The following SMYD3 variants were observed in gnomAD, a reference collection of about 807,000 sequenced individuals.
SMYD3 encodes histone-lysine N-methyltransferase SMYD3.
Under a neutral mutation model 57.7 loss-of-function variants are expected in SMYD3, and 36 were observed. The ratio of observed to expected loss-of-function variants is 0.62; its 90% CI spans 0.48 to 0.82. The LOEUF (loss-of-function observed/expected upper bound fraction) is 0.82, where lower values mean the gene tolerates loss of function less well. SMYD3 is among the 40% of genes least tolerant of loss of function. SMYD3 has a pLI of 0.00. For synonymous variants in SMYD3, 211 were observed against 195.0 expected (o/e 1.08, Z -0.68); for missense variants, 515 against 538.8 (o/e 0.96, Z 0.44).
chr1:246,460,145 C>T (rs1013668049), intron 1 of SMYD3, among the ~76,000 whole-genome samples: 1 of 152,202 alleles, frequency 6.6e-6, no homozygotes, highest in African/African-American at 2.4e-5. Flanking sequence ...AAACAAATTT[C>T]ATACCAACCA....
At chr1:246,333,722 G>GA (rs2065497352) in intron 3 of SMYD3, among the ~76,000 whole-genome samples, 1 of 151,652 alleles carries the variant, frequency 6.6e-6, no homozygotes, top group African/African-American at 2.4e-5. Context: ...AAAAAAAAAG[G>GA]AAAAAACACA....
chr1:246,316,362 T>C (rs1572371306), intron 5 of SMYD3, among the ~76,000 whole-genome samples: 1 of 112,616 alleles, frequency 8.9e-6, no homozygotes. Flanking sequence ...TCTTCATGGG[T>C]TTTTTTTTTT....
At chr1:246,323,531 T>G (rs562759539) in intron 5 of SMYD3, among the ~76,000 whole-genome samples, 7 of 152,266 alleles carry the variant, frequency 4.6e-5, no homozygotes, top group African/African-American at 1.7e-4. Flanking sequence ...TGAGCTTCCA[T>G]TAGAAAAAGC....
At chr1:246,153,276 C>T (rs2061972221) in intron 5 of SMYD3, among the ~76,000 whole-genome samples, 1 of 152,050 alleles carries the variant, frequency 6.6e-6, no homozygotes, top group Non-Finnish European at 1.5e-5. Context: ...AGTCCTCCTA[C>T]ACAGACCATC....
At chr1:246,034,879 C>T (rs1208783835) in intron 5 of SMYD3, among the ~76,000 whole-genome samples, 2 of 152,120 alleles carry the variant, frequency 1.3e-5, no homozygotes, top group African/African-American at 4.8e-5. Flanking sequence ...ATCCCTGCCG[C>T]ACAAATTCGC....
intron 5 of SMYD3, among the ~76,000 whole-genome samples, chr1:246,125,626 G>A (rs1004002101): frequency 5.9e-5 from 9 of 152,088 alleles, no homozygotes; most frequent in East Asian, 1.9e-4. Flanking sequence ...TTATGAGCTC[G>A]AAGGAAAGAC....
At chr1:246,060,853 T>C (rs1471098027) in intron 5 of SMYD3, among the ~76,000 whole-genome samples, 1 of 152,076 alleles carries the variant, frequency 6.6e-6, no homozygotes, top group African/African-American at 2.4e-5. Flanking sequence ...TAGTGTACAC[T>C]AACTGGCTGA....
intron 1 of SMYD3, among the ~76,000 whole-genome samples, chr1:246,366,363 T>C (rs528903422): frequency 4.6e-5 from 7 of 152,100 alleles, no homozygotes; most frequent in Non-Finnish European, 1.0e-4. Context: ...AAAAGGCAAG[T>C]TGAGTCCAAG....
At chr1:246,481,621 T>TATATATATATATATATACACACAC (rs1307881494) in intron 1 of SMYD3, among the ~76,000 whole-genome samples, 14 of 98,544 alleles carry the variant, frequency 1.4e-4, no homozygotes, top group African/African-American at 4.9e-4. Context: ...CATACATATA[T>TATATATATATATATATACACACAC]ACATACATAC....
rs531858647 is a variant in SMYD3 at position 245,932,132 on chromosome 1, T to G, written c.532-2195A>C. On this transcript the variant is annotated intron_variant, in intron 5 of 11. Coordinates refer to ENST00000490107, the MANE Select transcript of SMYD3 (RefSeq NM_001167740.2). The stretch of plus-strand genomic sequence containing the variant: ...AAATATTTTAAAGTATAATGAGAAC[T>G]TTAGTTGAAATAATCCACCAACAAA... Among the ~76,000 whole-genome samples, 7 of 152,320 alleles carry G rather than the reference T, an allele frequency of 4.6e-5. No individual in the cohort carries two copies. The South Asian group carries it at 1.2e-3, about 27-fold the overall frequency.
chr1:246,394,189 T>G (rs1365890748), intron 1 of SMYD3, among the ~76,000 whole-genome samples: 4 of 152,234 alleles, frequency 2.6e-5, no homozygotes, highest in African/African-American at 9.6e-5. Context: ...TTAGGCAAAC[T>G]AACTCATATA....
chr1:245,898,102 AG>A (rs1362610185), intron 8 of SMYD3, among the ~76,000 whole-genome samples: 1 of 152,156 alleles, frequency 6.6e-6, no homozygotes, highest in African/African-American at 2.4e-5. Context: ...TGATACATTA[AG>A]GGTAAATTCA....
intron 8 of SMYD3, among the ~76,000 whole-genome samples, chr1:245,885,670 A>G (rs2053050254): frequency 6.6e-6 from 1 of 151,996 alleles, no homozygotes; most frequent in African/African-American, 2.4e-5. Context: ...TCTCTATTAG[A>G]GGTTCTCTCT....
Position 246,355,133 on chromosome 1 carries a change from T to G in SMYD3, c.165-39A>C, listed in dbSNP as rs2065891106. On this transcript the variant is annotated intron_variant, in intron 1 of 11. Transcript: ENST00000490107. This position sits in a 1 kb window ranked among gnomAD's most constrained non-coding sequence, Gnocchi z 5.0. The stretch of plus-strand genomic sequence containing the variant: ...AATTAATTCTGCATTAAGAAATGAG[T>G]GGGAAACATAGTACATAGTTGAAGA... 1 of 1,583,720 alleles carries G rather than the reference T, an allele frequency of 6.3e-7. No individual in the cohort carries two copies. The highest frequency in any genetic ancestry group is 1.1e-5 in the South Asian group (1 of 90,456).
chr1:245,891,943 G>A (rs2053410182), intron 8 of SMYD3, among the ~76,000 whole-genome samples: 1 of 152,174 alleles, frequency 6.6e-6, no homozygotes, highest in African/African-American at 2.4e-5. Flanking sequence ...CTACTGAGGA[G>A]GCTGACATGG....
chr1:246,282,023 C>G (rs187641574), intron 5 of SMYD3, among the ~76,000 whole-genome samples: 2 of 152,084 alleles, frequency 1.3e-5, no homozygotes, highest in African/African-American at 2.4e-5. Context: ...AACATATCTA[C>G]AAGACCAAAT....
chr1:245,904,016 C>T (rs2054378243), intron 8 of SMYD3, among the ~76,000 whole-genome samples: 1 of 152,192 alleles, frequency 6.6e-6, no homozygotes, highest in Admixed American at 6.5e-5. Flanking sequence ...TTGAATTTCT[C>T]CCCAGAATAT....
At chr1:245,903,232 A>G (rs1382731065) in intron 8 of SMYD3, among the ~76,000 whole-genome samples, 1 of 152,238 alleles carries the variant, frequency 6.6e-6, no homozygotes, top group Non-Finnish European at 1.5e-5. Context: ...AGGCTAGATC[A>G]TGAAGAAGGA....
intron 5 of SMYD3, among the ~76,000 whole-genome samples, chr1:246,249,892 TTATC>T (rs1393892136): frequency 2.0e-5 from 3 of 152,246 alleles, no homozygotes; most frequent in Non-Finnish European, 4.4e-5. Flanking sequence ...ATATTAAACT[TTATC>T]TCTTTTCTTC....
Sources: allele counts gnomAD v4.1 joint callset (sites outside exome capture counted in the v4.1 genomes callset), GRCh38; gene constraint gnomAD v4.1.1; non-coding constraint Gnocchi (gnomAD v3.1); transcripts MANE v1.5; gene names NCBI Gene and HGNC (gene_info 2026-07-23, HGNC 2026-07-21).